Variants in DNAH3 observed in about 807,000 individuals in gnomAD.
The protein encoded by DNAH3 is axonemal beta dynein heavy chain 3.
A neutral mutation model predicts 432.5 loss-of-function variants in DNAH3; 332 were observed. That is an observed-to-expected ratio of 0.77 (90% CI 0.70 to 0.84). DNAH3 has a LOEUF of 0.84. DNAH3 is among the 40% of genes least tolerant of loss of function. The probability of loss-of-function intolerance (pLI) is 0.00; values close to 1 mark genes in which losing one functional copy is unlikely to be tolerated. For synonymous variants in DNAH3, 1,956 were observed against 1,900.2 expected, an observed-to-expected ratio of 1.03 and a Z score of -0.76; for missense variants, 4,861 against 5,114.0, an observed-to-expected ratio of 0.95 and a Z score of 1.51.
intron 27 of DNAH3, among the ~76,000 whole-genome samples, chr16:21,055,891 A>C (rs1265102214): frequency 6.6e-6 from 1 of 151,986 alleles, no homozygotes; most frequent in Non-Finnish European, 1.5e-5. Flanking sequence ...GACCACAAGC[A>C]CACACCATCA....
intron 54 of DNAH3, among the ~76,000 whole-genome samples, chr16:20,955,718 T>C (rs1021016421): frequency 1.3e-5 from 2 of 152,164 alleles, no homozygotes; most frequent in Admixed American, 6.5e-5. Context: ...ATGCCTGTCA[T>C]ATAAGAAATG....
At chr16:21,156,964 G>A (rs1441702728) in intron 1 of DNAH3, among the ~76,000 whole-genome samples, 4 of 148,164 alleles carry the variant, frequency 2.7e-5, no homozygotes, top group African/African-American at 7.5e-5. Context: ...TTCCATTTAG[G>A]GAATGATGAT....
At chr16:20,988,976 G>A (rs761169244) in intron 44 of DNAH3, among the ~76,000 whole-genome samples, 84 of 152,202 alleles carry the variant, frequency 5.5e-4, no homozygotes, top group Admixed American at 3.0e-3. Context: ...GGCTTCAAGA[G>A]TGAAGTTGCA....
intron 41 of DNAH3, among the ~76,000 whole-genome samples, chr16:21,013,738 A>C (rs955469798): frequency 1.3e-5 from 2 of 151,352 alleles, no homozygotes; most frequent in Non-Finnish European, 2.9e-5. Context: ...AAAAAAAAAA[A>C]AACTAAAAAA....
At chr16:21,051,908 T>C in intron 28 of DNAH3, 40 bp from the exon 29 acceptor site, 1 of 1,560,652 alleles carries the variant, frequency 6.4e-7, no homozygotes, top group Non-Finnish European at 8.8e-7. Flanking sequence ...CACAGAGCCA[T>C]CAGAACTCTC....
chr16:21,053,031 T>C (rs1006736406), intron 28 of DNAH3, among the ~76,000 whole-genome samples: 2 of 152,202 alleles, frequency 1.3e-5, no homozygotes, highest in African/African-American at 4.8e-5. Flanking sequence ...AGAGTGGATC[T>C]AGGCTGATGA....
intron 41 of DNAH3, among the ~76,000 whole-genome samples, chr16:21,012,016 A>C (rs1163824268): frequency 6.6e-6 from 1 of 152,210 alleles, no homozygotes; most frequent in Non-Finnish European, 1.5e-5. Flanking sequence ...CCCAGTATTA[A>C]GTGTTGGAGC....
chr16:21,010,329 C>T (rs781431106), intron 41 of DNAH3, among the ~76,000 whole-genome samples: 6 of 152,102 alleles, frequency 3.9e-5, no homozygotes, highest in Non-Finnish European at 7.4e-5. Context: ...TTCTATCACC[C>T]CTACCCCCCC....
exon 43 of DNAH3, chr16:21,000,361 G>C: frequency 6.2e-7 from 1 of 1,614,180 alleles, no homozygotes; most frequent in Non-Finnish European, 8.5e-7. Flanking sequence ...GGGTAGGTAC[G>C]TATTTTTGGG....
intron 21 of DNAH3, among the ~76,000 whole-genome samples, chr16:21,072,047 AT>A: frequency 6.6e-6 from 1 of 152,182 alleles, no homozygotes; most frequent in Non-Finnish European, 1.5e-5. Flanking sequence ...TTGTAGGTGT[AT>A]TTTTTTCAAA....
chr16:20,946,560 C>CT (rs1288613350), intron 57 of DNAH3, among the ~76,000 whole-genome samples: 14 of 152,112 alleles, frequency 9.2e-5, no homozygotes, highest in Non-Finnish European at 1.6e-4. Flanking sequence ...GAAAGAGACT[C>CT]TTTTCATCCA....
chr16:21,054,478 C>G, exon 28 of DNAH3: 1 of 1,614,202 alleles, frequency 6.2e-7, no homozygotes, highest in African/African-American at 1.3e-5. Flanking sequence ...TGCTCAGCTT[C>G]CCTCGCACCA....
chr16:20,952,552 G>A lies in DNAH3; in HGVS notation c.11072-3C>T, dbSNP rs781021745. 2.5e-6 allele frequency: 4 copies of A among 1,570,742 alleles called. No individual in the cohort carries two copies. The highest frequency in any genetic ancestry group is 3.5e-6 in the Non-Finnish European group (4 of 1,141,002). On this transcript the variant is annotated splice_polypyrimidine_tract_variant and splice_region_variant and intron_variant, in intron 55 of 61. Coordinates refer to ENST00000261383, the Ensembl canonical transcript of DNAH3. ...GAATTCATAGGGAATATTCCACCCT[G>A]CGTGTGGGAGAGCAGAGAGAGGCTT... is the stretch of plus-strand genomic sequence containing the variant.
intron 41 of DNAH3, among the ~76,000 whole-genome samples, chr16:21,011,497 G>A (rs1051709934): frequency 1.3e-5 from 2 of 151,940 alleles, no homozygotes; most frequent in East Asian, 1.9e-4. Flanking sequence ...GCTGAGAATA[G>A]AGGTGTGTGC....
intron 41 of DNAH3, among the ~76,000 whole-genome samples, chr16:21,012,431 G>A (rs3103807): frequency 1 from 152,337 of 152,340 alleles, 76,167 homozygotes; most frequent in Non-Finnish European, 1. Context: ...CTAATTTAAA[G>A]AAGAAGAAAT....
intron 19 of DNAH3, among the ~76,000 whole-genome samples, chr16:21,085,065 C>T (rs1316632707): frequency 6.6e-6 from 1 of 151,720 alleles, no homozygotes; most frequent in Non-Finnish European, 1.5e-5. Flanking sequence ...CTGCGGATCC[C>T]TCTGCTGGGG....
At chr16:20,997,861 TAGTC>T (rs1488909741) in intron 43 of DNAH3, among the ~76,000 whole-genome samples, 20 of 129,648 alleles carry the variant, frequency 1.5e-4, no homozygotes, top group Admixed American at 5.2e-4. Context: ...AAAAAAAAAT[TAGTC>T]AGGCATGGTG....
intron 52 of DNAH3, among the ~76,000 whole-genome samples, chr16:20,969,278 ATGCATGTGTG>A (rs1027824482): frequency 5.5e-5 from 8 of 146,762 alleles, no homozygotes; most frequent in East Asian, 2.1e-4. Flanking sequence ...CTCTGTGTGC[ATGCATGTGTG>A]TGCATGTGTG....
intron 42 of DNAH3, among the ~76,000 whole-genome samples, chr16:21,001,597 G>C (rs2087021919): frequency 6.6e-6 from 1 of 152,166 alleles, no homozygotes; most frequent in African/African-American, 2.4e-5. Context: ...TGAGACAAGG[G>C]AATTAAAGTT....
Sources: gnomAD v4.1 joint callset for allele counts (sites outside exome capture counted in the v4.1 genomes callset) on GRCh38, gnomAD v4.1.1 for gene constraint, MANE v1.5 for transcripts, NCBI Gene and HGNC (gene_info 2026-07-23, HGNC 2026-07-21) for gene names.